Variants in SV2C observed in about 807,000 individuals in gnomAD.
SV2C encodes the protein solute carrier family 22 member B3.
SV2C carries 49 observed loss-of-function variants against 79.7 expected under a neutral mutation model. The ratio of observed to expected loss-of-function variants is 0.61; its 90% CI spans 0.49 to 0.78. The LOEUF is 0.78. SV2C is among the 30% of genes least tolerant of loss of function. SV2C has a pLI of 0.00. For missense variants in SV2C, 833 were observed against 912.9 expected, an observed-to-expected ratio of 0.91 and a Z score of 1.13; for synonymous variants, 334 against 333.2, an observed-to-expected ratio of 1.00 and a Z score of -0.03.
chr5:76,294,101 TG>T (rs1747655400), intron 8 of SV2C, among the ~76,000 whole-genome samples: 1 of 152,102 alleles, frequency 6.6e-6, no homozygotes, highest in African/African-American at 2.4e-5. Flanking sequence ...CCTGGGTTTG[TG>T]GGGGATGATG....
chr5:75,931,253 C>A, the SV2C span, among the ~76,000 whole-genome samples: 1 of 152,206 alleles, frequency 6.6e-6, no homozygotes, highest in Non-Finnish European at 1.5e-5. Flanking sequence ...CACATCTAAC[C>A]ATTTGAAGGG....
At chr5:76,201,228 C>T (rs1744431986) in intron 3 of SV2C, among the ~76,000 whole-genome samples, 2 of 152,192 alleles carry the variant, frequency 1.3e-5, no homozygotes, top group South Asian at 4.1e-4. Context: ...AGACACTTTC[C>T]TCCCCTCTTT....
chr5:75,911,016 C>T, the SV2C span: 1 of 1,059,392 alleles, frequency 9.4e-7, no homozygotes, highest in Non-Finnish European at 1.5e-6. Flanking sequence ...CCTACTAGTC[C>T]CTCTACACTT....
At chr5:75,895,816 G>A in the SV2C span, among the ~76,000 whole-genome samples, 2 of 152,162 alleles carry the variant, frequency 1.3e-5, no homozygotes, top group East Asian at 3.9e-4. Flanking sequence ...GACTCCCGGA[G>A]CATGTGGATT....
intron 1 of SV2C, among the ~76,000 whole-genome samples, chr5:76,113,921 T>TACAC (rs144138185): frequency 2.5e-4 from 37 of 150,510 alleles, no homozygotes; most frequent in East Asian, 9.8e-4. Flanking sequence ...CCCACAATCA[T>TACAC]ACACACACAC....
chr5:76,325,474 C>T lies in SV2C; in HGVS notation c.2111C>T (p.Ala704Val). 7 of 1,614,194 alleles carry T rather than the reference C, an allele frequency of 4.3e-6. No individual in the cohort carries two copies. Among genetic ancestry groups the T allele is most frequent in the Non-Finnish European group, 5.1e-6 (6 of 1,180,036 alleles). The change falls in exon 13 of 13, where the codon GCT (alanine) becomes GTT (valine). Residue 704 changes from alanine to valine, a missense_variant. Transcript: ENST00000502798. ...ACCAAATCAATCCCCATCCTGCTGGCTTCTACTGTGCTCGTGTGTGGAGGA... is the reference window on the plus strand; with the variant it reads ...ACCAAATCAATCCCCATCCTGCTGGTTTCTACTGTGCTCGTGTGTGGAGGA... The part of the protein sequence containing the change: ...SITKSIPILL[A>V]STVLVCGGLV...
At chr5:76,025,670 C>T in the SV2C span, among the ~76,000 whole-genome samples, 1 of 152,156 alleles carries the variant, frequency 6.6e-6, no homozygotes, top group African/African-American at 2.4e-5. Flanking sequence ...CTGTTTAATA[C>T]ATGCCTGCAG....
At chr5:75,871,569 G>A in the SV2C span, among the ~76,000 whole-genome samples, 2 of 152,020 alleles carry the variant, frequency 1.3e-5, no homozygotes, top group Non-Finnish European at 2.9e-5. Context: ...CAGCACTTTG[G>A]GAGGCCAAGG....
intron 1 of SV2C, among the ~76,000 whole-genome samples, chr5:76,128,984 T>G (rs1250036264): frequency 6.6e-6 from 1 of 152,188 alleles, no homozygotes; most frequent in African/African-American, 2.4e-5. Flanking sequence ...CTCTTCACAT[T>G]TTTCCATTTA....
the SV2C span, among the ~76,000 whole-genome samples, chr5:76,001,945 T>C: frequency 1.9e-4 from 29 of 151,926 alleles, no homozygotes; most frequent in African/African-American, 7.0e-4. Flanking sequence ...TTATTCCTCA[T>C]CCCCCTCCCA....
intron 3 of SV2C, among the ~76,000 whole-genome samples, chr5:76,209,419 C>T (rs1188794503): frequency 6.6e-6 from 1 of 152,078 alleles, no homozygotes; most frequent in African/African-American, 2.4e-5. Context: ...TGATAAATAT[C>T]ACACAAAACA....
chr5:75,941,775 C>T, the SV2C span, among the ~76,000 whole-genome samples: 1 of 152,184 alleles, frequency 6.6e-6, no homozygotes, highest in Non-Finnish European at 1.5e-5. Context: ...CTTTCTTTCT[C>T]CAAGGTAGGA....
chr5:76,101,486 T>G (rs1024230819), intron 1 of SV2C, among the ~76,000 whole-genome samples: 1 of 152,152 alleles, frequency 6.6e-6, no homozygotes, highest in Admixed American at 6.5e-5. Context: ...CTGCCCCAGC[T>G]GTGGGAGGTA....
chr5:76,094,042 C>T (rs1420424869), intron 1 of SV2C, among the ~76,000 whole-genome samples: 1 of 151,966 alleles, frequency 6.6e-6, no homozygotes, highest in African/African-American at 2.4e-5. Context: ...CTTAGGAGTT[C>T]AAGACCAGCC....
At chr5:76,129,555 A>G (rs1485469120) in intron 1 of SV2C, among the ~76,000 whole-genome samples, 1 of 152,198 alleles carries the variant, frequency 6.6e-6, no homozygotes, top group Non-Finnish European at 1.5e-5. Context: ...AGAACTGTCC[A>G]CTTTTCCAGC....
the SV2C span, among the ~76,000 whole-genome samples, chr5:76,050,301 A>G: frequency 9.2e-5 from 14 of 152,194 alleles, no homozygotes; most frequent in African/African-American, 3.4e-4. Flanking sequence ...CTTTTCTTTC[A>G]TGACTAAACA....
the SV2C span, among the ~76,000 whole-genome samples, chr5:76,065,017 G>C: frequency 1.3e-5 from 2 of 152,154 alleles, no homozygotes; most frequent in Non-Finnish European, 2.9e-5. Flanking sequence ...TATGTGAGTG[G>C]TTGGTTTTGA....
At chr5:76,353,382 GAAGT>G (rs1180428725) in exon 13 of SV2C, 1 of 206,214 alleles carries the variant, frequency 4.8e-6, no homozygotes, top group Middle Eastern at 1.9e-3. Flanking sequence ...CCCACAAAGT[GAAGT>G]AACCAAGTCA....
At chr5:76,278,593 C>A (rs1053288964) in intron 4 of SV2C, among the ~76,000 whole-genome samples, 16 of 152,200 alleles carry the variant, frequency 1.1e-4, no homozygotes, top group African/African-American at 3.6e-4. Flanking sequence ...CTTTCTCATG[C>A]GTGGCTGGGC....
Sources: gnomAD v4.1 joint callset for allele counts (sites outside exome capture counted in the v4.1 genomes callset) on GRCh38, gnomAD v4.1.1 for gene constraint, MANE v1.5 for transcripts, NCBI Gene and HGNC (gene_info 2026-07-23, HGNC 2026-07-21) for gene names.